Variants in SPATA6 observed in about 807,000 individuals in gnomAD.
SPATA6 encodes spermatogenesis associated 6, also known as spermatogenesis-associated protein 6.
A neutral mutation model predicts 65.3 loss-of-function variants in SPATA6; 56 were observed. That is an observed-to-expected ratio of 0.86 (90% CI 0.69 to 1.07). The LOEUF (loss-of-function observed/expected upper bound fraction) is 1.07. SPATA6 is among the 50% of genes least tolerant of loss of function. The pLI is 0.00. For synonymous variants in SPATA6, 199 were observed against 213.2 expected, an observed-to-expected ratio of 0.93 and a Z score of 0.58; for missense variants, 590 against 594.8, an observed-to-expected ratio of 0.99 and a Z score of 0.08.
chr1:48,387,435 G>A (rs528872878), intron 8 of SPATA6, among the ~76,000 whole-genome samples: 2 of 152,310 alleles, frequency 1.3e-5, no homozygotes, highest in South Asian at 4.1e-4. Context: ...GTGCCACTGG[G>A]CTGAGGTACG....
chr1:48,452,858 T>TG, intron 2 of SPATA6, 136 bp downstream of exon 2: 2 of 1,061,142 alleles, frequency 1.9e-6, no homozygotes, highest in Non-Finnish European at 1.3e-6. Flanking sequence ...CTTCCAGGCT[T>TG]AGGTTACAAA....
At chr1:48,436,889 T>C (rs1025259536) in intron 3 of SPATA6, 5 of 1,613,340 alleles carry the variant, frequency 3.1e-6, no homozygotes, top group Non-Finnish European at 3.4e-6. Context: ...CGGTCAGGTG[T>C]AGACTCTGGA....
At position 48,374,538 on chromosome 1, in the gene SPATA6, T is replaced by C. The variant is rs149635814; in HGVS notation, c.909+10771A>G. On this transcript the variant is annotated intron_variant, in intron 9 of 12. Coordinates refer to ENST00000371847, the MANE Select transcript of SPATA6 (RefSeq NM_019073.4). The stretch of plus-strand genomic sequence containing the variant: ...GTTCCTCAATTCTTGCCCAGGAAAA[T>C]AAAGCTATAAACCAGTAAATAACTT... Among the ~76,000 whole-genome samples the C allele has an allele frequency of 8.7e-3, 1,318 of 152,224 alleles. 6 individuals are homozygous for C. Among genetic ancestry groups the C allele is most frequent in the Non-Finnish European group, 0.014 (977 of 68,014 alleles).
intron 11 of SPATA6, among the ~76,000 whole-genome samples, chr1:48,314,439 C>T (rs1256526489): frequency 6.6e-6 from 1 of 152,130 alleles, no homozygotes; most frequent in African/African-American, 2.4e-5. Context: ...TCCTGAATGA[C>T]TACTGGGTAC....
chr1:48,385,149 TGACA>T (rs759829617), intron 9 of SPATA6, among the ~76,000 whole-genome samples, 156 bp downstream of exon 9: 29 of 152,280 alleles, frequency 1.9e-4, no homozygotes, highest in South Asian at 4.1e-4. Flanking sequence ...ATGTACTGCC[TGACA>T]AAGTAACCAA....
At chr1:48,265,915 G>A in the SPATA6 span, among the ~76,000 whole-genome samples, 2 of 152,174 alleles carry the variant, frequency 1.3e-5, no homozygotes, top group South Asian at 2.1e-4. Context: ...AGATATTCTA[G>A]TTCTGAATCC....
At chr1:48,419,796 A>T (rs929473108) in intron 3 of SPATA6, among the ~76,000 whole-genome samples, 2 of 152,202 alleles carry the variant, frequency 1.3e-5, no homozygotes, top group East Asian at 3.9e-4. Flanking sequence ...TGAAAAATGA[A>T]TATGTTTACA....
intron 1 of SPATA6, among the ~76,000 whole-genome samples, chr1:48,453,527 T>G (rs1336262111): frequency 1.3e-5 from 2 of 151,378 alleles, no homozygotes; most frequent in African/African-American, 2.4e-5. Flanking sequence ...TATAGAATTT[T>G]AAAAAACGCT....
At chr1:48,367,811 T>C (rs1484809287) in intron 9 of SPATA6, among the ~76,000 whole-genome samples, 4 of 152,206 alleles carry the variant, frequency 2.6e-5, no homozygotes, top group Non-Finnish European at 4.4e-5. Flanking sequence ...AAGTTAATAT[T>C]GTTATGTGTG....
intron 11 of SPATA6, among the ~76,000 whole-genome samples, chr1:48,312,219 G>A (rs1645238722): frequency 6.6e-6 from 1 of 152,184 alleles, no homozygotes; most frequent in African/African-American, 2.4e-5. Flanking sequence ...AGAGAGTAGT[G>A]GTTCTCCCAG....
intron 3 of SPATA6, among the ~76,000 whole-genome samples, chr1:48,445,084 C>T (rs1354956465): frequency 2.0e-5 from 3 of 152,146 alleles, no homozygotes; most frequent in Non-Finnish European, 4.4e-5. Flanking sequence ...AATTCCAGTA[C>T]TAGAATAGGT....
At position 48,359,834 on chromosome 1, in the gene SPATA6, T is replaced by C. The variant is rs539127170; in HGVS notation, c.910-64A>G. 25 of 1,243,070 alleles carry C rather than the reference T, an allele frequency of 2.0e-5. No individual in the cohort carries two copies. In the Admixed American group the frequency reaches 2.5e-4, roughly 12 times the overall value. The allele number at this position is 1,243,070 out of a possible 1,614,324, so 77.0% of individuals were successfully genotyped here. On this transcript the variant is annotated intron_variant, in intron 9 of 12. Transcript: ENST00000371847. ...AGATACATATGTATATAACATATTA[T>C]ATAGTAATATAGTATGCATAGTAGT...
intron 3 of SPATA6, chr1:48,436,177 T>C: frequency 1.2e-6 from 2 of 1,611,146 alleles, no homozygotes; most frequent in Non-Finnish European, 1.7e-6. Flanking sequence ...ATTTGACAAC[T>C]TGACTTCTGT....
At chr1:48,435,095 A>G (rs778492815) in intron 3 of SPATA6, among the ~76,000 whole-genome samples, 4 of 152,070 alleles carry the variant, frequency 2.6e-5, no homozygotes, top group Non-Finnish European at 4.4e-5. Flanking sequence ...CATATAGGGT[A>G]TGAAATAGAA....
At chr1:48,428,984 G>A (rs1416063080) in intron 3 of SPATA6, among the ~76,000 whole-genome samples, 2 of 151,610 alleles carry the variant, frequency 1.3e-5, no homozygotes, top group South Asian at 2.1e-4. Flanking sequence ...CAACTTCCAG[G>A]GGAAGGCTTC....
At chr1:48,348,829 C>T (rs181643762) in intron 11 of SPATA6, among the ~76,000 whole-genome samples, 7 of 151,988 alleles carry the variant, frequency 4.6e-5, no homozygotes, top group Admixed American at 6.6e-5. Flanking sequence ...AAACTCTAAC[C>T]CAACATCACA....
the SPATA6 span, among the ~76,000 whole-genome samples, chr1:48,279,116 C>G: frequency 1.3e-5 from 2 of 152,142 alleles, no homozygotes; most frequent in African/African-American, 2.4e-5. Flanking sequence ...AAATCCTTTA[C>G]AGACAAGCAA....
chr1:48,365,495 T>G (rs1557619028), intron 9 of SPATA6, among the ~76,000 whole-genome samples: 1 of 152,228 alleles, frequency 6.6e-6, no homozygotes, highest in Non-Finnish European at 1.5e-5. Flanking sequence ...TTTATAGTTC[T>G]CCTTGAAGAG....
At position 48,458,399 on chromosome 1, in the gene SPATA6, A is replaced by G. The variant is rs1657166537; in HGVS notation, c.52-5268T>C. Among the ~76,000 whole-genome samples the G allele has an allele frequency of 3.3e-5, 5 of 152,300 alleles. No homozygotes were observed. In the South Asian group the frequency reaches 1.0e-3, roughly 32 times the overall value. ...AACATGGATGAACCTTAAAAGCATT[A>G]TGTTAAGTGAAAAAAGTTTTAAAAG... On this transcript the variant is annotated intron_variant, in intron 1 of 12. Coordinates refer to ENST00000371847, the MANE Select transcript of SPATA6 (RefSeq NM_019073.4).
Sources: gnomAD v4.1 joint callset for allele counts (sites outside exome capture counted in the v4.1 genomes callset) on GRCh38, gnomAD v4.1.1 for gene constraint, MANE v1.5 for transcripts, NCBI Gene and HGNC (gene_info 2026-07-23, HGNC 2026-07-21) for gene names.